Variants in ACBD6 observed in about 807,000 individuals in gnomAD.
ACBD6 encodes acyl-CoA-binding domain-containing protein 6.
In ACBD6, 28 loss-of-function variants were observed where a neutral mutation model predicts 37.2. That is an observed-to-expected ratio of 0.75 (90% CI 0.56 to 1.03). ACBD6 has a LOEUF of 1.03. ACBD6 is among the 50% of genes least tolerant of loss of function. The pLI is 0.00. For missense variants in ACBD6, 340 were observed against 337.4 expected, an observed-to-expected ratio of 1.01 and a Z score of -0.06; for synonymous variants, 113 against 126.8, an observed-to-expected ratio of 0.89 and a Z score of 0.73.
At chr1:180,353,236 C>T (rs1444648777) in intron 6 of ACBD6, among the ~76,000 whole-genome samples, 1 of 152,090 alleles carries the variant, frequency 6.6e-6, no homozygotes, top group Non-Finnish European at 1.5e-5. Flanking sequence ...ATTTGGCTGA[C>T]TTAGGAAATT....
intron 6 of ACBD6, among the ~76,000 whole-genome samples, chr1:180,362,347 C>T (rs1228118729): frequency 1.3e-5 from 2 of 152,144 alleles, no homozygotes; most frequent in Non-Finnish European, 2.9e-5. Context: ...CTGCTAGTGC[C>T]ACTTTACTAA....
chr1:180,461,874 C>A (rs1650162540), intron 3 of ACBD6, among the ~76,000 whole-genome samples: 1 of 152,114 alleles, frequency 6.6e-6, no homozygotes, highest in South Asian at 2.1e-4. Context: ...ATAAACAAGT[C>A]TGCAAAATAA....
At chr1:180,459,002 T>G (rs1650023981) in intron 3 of ACBD6, among the ~76,000 whole-genome samples, 1 of 152,144 alleles carries the variant, frequency 6.6e-6, no homozygotes, top group Non-Finnish European at 1.5e-5. Flanking sequence ...TATTAGAAGT[T>G]TTATTAGAAC....
At chr1:180,276,895 G>A (rs1649069751) in intron 9 of ACBD6, 1 of 151,956 alleles carries the variant, frequency 6.6e-6, no homozygotes, top group African/African-American at 2.4e-5. Context: ...AAGTTGACCA[G>A]TTTTTGTAAG....
At chr1:180,495,885 AAATT>A (rs1571584236) in intron 1 of ACBD6, among the ~76,000 whole-genome samples, 2 of 152,188 alleles carry the variant, frequency 1.3e-5, no homozygotes, top group East Asian at 3.8e-4. Context: ...TTTTAATATG[AAATT>A]AATAAGGTTT....
intron 6 of ACBD6, among the ~76,000 whole-genome samples, chr1:180,337,180 G>C (rs1315428522): frequency 6.6e-6 from 1 of 151,888 alleles, no homozygotes; most frequent in Non-Finnish European, 1.5e-5. Flanking sequence ...TGATACCAAA[G>C]CCTGGCAGAG....
At chr1:180,369,494 A>G (rs1653176323) in intron 6 of ACBD6, among the ~76,000 whole-genome samples, 1 of 152,186 alleles carries the variant, frequency 6.6e-6, no homozygotes, top group Admixed American at 6.5e-5. Context: ...GGAGAAATAA[A>G]AGAGAGACAC....
chr1:180,284,486 C>A (rs1003121945), downstream of ACBD6, among the ~76,000 whole-genome samples: 2 of 151,734 alleles, frequency 1.3e-5, no homozygotes, highest in Non-Finnish European at 2.9e-5. Context: ...GCCTTAGCTT[C>A]CCAAGTAGCT....
intron 6 of ACBD6, among the ~76,000 whole-genome samples, chr1:180,380,159 G>A (rs759529623): frequency 6.6e-6 from 1 of 152,172 alleles, no homozygotes; most frequent in Non-Finnish European, 1.5e-5. Flanking sequence ...TACTTGGGAG[G>A]CTGAGGCAAG....
chr1:180,397,563 CCTT>C lies in ACBD6; in HGVS notation c.613_615del (p.Lys205del). Reference sequence around the variant, plus strand: ...TGTTGCAGCAACACTGTGACTAGTTCCTTATGTCCTCGATCACAGGCCCAGTGA... The same window carrying C: ...TGTTGCAGCAACACTGTGACTAGTTCATGTCCTCGATCACAGGCCCAGTGA... On this transcript the variant is annotated inframe_deletion, in exon 6 of 8. Coordinates refer to ENST00000367595, the MANE Select transcript of ACBD6 (RefSeq NM_032360.4). 6.2e-7 allele frequency: 1 copy of C among 1,614,044 alleles called. No homozygotes were observed. The highest frequency in any genetic ancestry group is 1.1e-5 in the South Asian group (1 of 91,082).
intron 7 of ACBD6, among the ~76,000 whole-genome samples, chr1:180,313,590 C>T (rs770555619): frequency 1.3e-5 from 2 of 152,178 alleles, no homozygotes; most frequent in African/African-American, 2.4e-5. Context: ...GTTACTGAAT[C>T]GCAGTCTAAG....
intron 1 of ACBD6, among the ~76,000 whole-genome samples, chr1:180,497,716 A>AT (rs547504271): frequency 6.6e-6 from 1 of 151,974 alleles, no homozygotes; most frequent in Non-Finnish European, 1.5e-5. Flanking sequence ...ACATTTTTTA[A>AT]TTTTTTTAAT....
intron 6 of ACBD6, among the ~76,000 whole-genome samples, chr1:180,380,865 T>C (rs1459930645): frequency 6.6e-6 from 1 of 152,154 alleles, no homozygotes; most frequent in East Asian, 1.9e-4. Context: ...TAAGCTCTCA[T>C]ATATCAATAA....
In ACBD6 at chr1:180,440,329, G is replaced by A. The variant is rs369276258; in HGVS notation, c.385-10067C>T. Among the ~76,000 whole-genome samples, 28 of 152,114 alleles carry A rather than the reference G, an allele frequency of 1.8e-4. No individual in the cohort carries two copies. In the East Asian group the frequency reaches 2.5e-3, roughly 14 times the overall value. On this transcript the variant is annotated intron_variant, in intron 3 of 7. Transcript: ENST00000367595. ...GCAATGTGTTGTTCAGCCTGGTCTC[G>A]AACTCCTGACCTCAAGTGATCTGCC... is the stretch of plus-strand genomic sequence containing the variant.
At chr1:180,456,612 G>T (rs1278209863) in intron 3 of ACBD6, among the ~76,000 whole-genome samples, 1 of 152,170 alleles carries the variant, frequency 6.6e-6, no homozygotes, top group Non-Finnish European at 1.5e-5. Flanking sequence ...GATACATCAT[G>T]AAACAGCAAC....
At chr1:180,332,395 G>A (rs1237288146) in intron 6 of ACBD6, among the ~76,000 whole-genome samples, 4 of 152,080 alleles carry the variant, frequency 2.6e-5, no homozygotes, top group African/African-American at 9.7e-5. Context: ...TACACAACAG[G>A]AGGTGAGTGG....
chr1:180,476,666 A>G (rs760250229), intron 3 of ACBD6, among the ~76,000 whole-genome samples: 5 of 152,120 alleles, frequency 3.3e-5, no homozygotes, highest in Non-Finnish European at 7.4e-5. Flanking sequence ...TCTCTACGAA[A>G]AATACAAAAA....
chr1:180,398,937 T>C (rs920174574), intron 5 of ACBD6, among the ~76,000 whole-genome samples: 4 of 152,160 alleles, frequency 2.6e-5, no homozygotes, highest in Admixed American at 1.3e-4. Context: ...TTTCAAGAAA[T>C]AGCTTTTCTA....
intron 4 of ACBD6, among the ~76,000 whole-genome samples, chr1:180,418,869 T>C (rs1019351619): frequency 2.6e-4 from 40 of 152,236 alleles, no homozygotes; most frequent in Non-Finnish European, 2.4e-4. Context: ...AGGCAAAACA[T>C]TGCTTGGGCA....
Sources: allele counts gnomAD v4.1 joint callset (sites outside exome capture counted in the v4.1 genomes callset), GRCh38; gene constraint gnomAD v4.1.1; transcripts MANE v1.5; gene names NCBI Gene and HGNC (gene_info 2026-07-23, HGNC 2026-07-21).